JAKMIP3: variants seen among roughly 807,000 people sequenced by gnomAD.
The protein encoded by JAKMIP3 is Janus kinase and microtubule interacting protein 3.
A neutral mutation model predicts 118.5 loss-of-function variants in JAKMIP3; 58 were observed. The observed-to-expected ratio is 0.49, with a 90% CI of 0.40 to 0.61. The LOEUF is 0.61. Ranked by LOEUF, JAKMIP3 falls within the 20% of genes least tolerant of loss-of-function variation. The pLI, the probability that JAKMIP3 is intolerant of heterozygous loss-of-function variation, is 0.00. For synonymous variants in JAKMIP3, 486 were observed against 451.2 expected, an observed-to-expected ratio of 1.08 and a Z score of -0.98; for missense variants, 950 against 1,109.0, an observed-to-expected ratio of 0.86 and a Z score of 2.04.
rs147675970 is a variant in JAKMIP3, at chr10:132,153,703, G to A, written c.2074-56G>A. ...TGGCTTTTCTCCCAGCTGTCTCCAC[G>A]AGCCGGGGTGGGGGACCCTAGGGGT... On this transcript the variant is annotated intron_variant, in intron 17 of 23. Coordinates refer to ENST00000684848, the MANE Select transcript of JAKMIP3 (RefSeq NM_001323087.2). 4,760 of 1,556,614 alleles carry A rather than the reference G, an allele frequency of 3.1e-3. 9 individuals are homozygous for A. Among genetic ancestry groups the A allele is most frequent in the Middle Eastern group, 5.8e-3 (34 of 5,836 alleles).
rs566524537 is a variant in JAKMIP3 at position 132,112,778 on chromosome 10, T to C, written c.136-4299T>C. On this transcript the variant is annotated intron_variant, in intron 2 of 23. Coordinates refer to ENST00000684848, the MANE Select transcript of JAKMIP3 (RefSeq NM_001323087.2). The surrounding 1 kb of genome is among the most constrained non-coding windows in gnomAD (Gnocchi z 4.3). ...GGACAGGGCAGCTCTCCACCTCCCC[T>C]TGGACACCGGCTCACATGGTGGACG... Among the ~76,000 whole-genome samples the C allele has an allele frequency of 5.3e-5, 8 of 152,208 alleles. No homozygotes were observed. In the South Asian group the frequency reaches 1.7e-3, roughly 32 times the overall value.
chr10:132,158,095 C>CGCCCT (rs2057321977), intron 19 of JAKMIP3, among the ~76,000 whole-genome samples: 1 of 148,304 alleles, frequency 6.7e-6, no homozygotes, highest in African/African-American at 2.5e-5. Flanking sequence ...CGCCCCGCCC[C>CGCCCT]GCCCCGCCCC....
At chr10:132,075,710 T>C (rs937922901) in intron 1 of JAKMIP3, among the ~76,000 whole-genome samples, 1 of 152,224 alleles carries the variant, frequency 6.6e-6, no homozygotes, top group South Asian at 2.1e-4. Context: ...CTGCCTCAGA[T>C]ACTTCTATAT....
At position 132,157,054 on chromosome 10, in the gene JAKMIP3, G is replaced by A. The variant is rs183665642; in HGVS notation, c.2220+3064G>A. Among the ~76,000 whole-genome samples, 307 of 152,138 alleles carry A rather than the reference G, an allele frequency of 2.0e-3. 2 individuals are homozygous for A. Among genetic ancestry groups the A allele is most frequent in the Middle Eastern group, 3.4e-3 (1 of 294 alleles). On this transcript the variant is annotated intron_variant, in intron 19 of 23. Coordinates refer to ENST00000684848, the MANE Select transcript of JAKMIP3 (RefSeq NM_001323087.2). ...ACACATAGTATCTTTGCAAAAGCGC[G>A]GTCCCCATGCTTATCTGAGGCTTGT...
chr10:132,163,301 G>C lies in JAKMIP3; in HGVS notation c.2313G>C (p.Glu771Asp). Residue 771 changes from glutamate (E) to aspartate (D), a missense_variant, in exon 20 of 24, where the codon GAG (glutamate) becomes GAC (aspartate). Physicochemically the swap from Glu to Asp is conservative, Grantham distance 45. Coordinates refer to ENST00000684848, the MANE Select transcript of JAKMIP3 (RefSeq NM_001323087.2). ...VAELLSEEER[E>D]KLKVAVEQWK... Reference sequence around the variant, plus strand: ...AGCTGCTGTCAGAGGAGGAGCGCGAGAAGCTCAAGGTGGCCGTGGAGCAGT... The same window carrying C: ...AGCTGCTGTCAGAGGAGGAGCGCGACAAGCTCAAGGTGGCCGTGGAGCAGT... 1 of 1,606,430 alleles carries C rather than the reference G, an allele frequency of 6.2e-7. No homozygotes were observed. The highest frequency in any genetic ancestry group is 8.5e-7 in the Non-Finnish European group (1 of 1,177,698).
upstream of JAKMIP3, among the ~76,000 whole-genome samples, chr10:132,065,591 T>G (rs1246928620): frequency 6.6e-6 from 1 of 151,724 alleles, no homozygotes; most frequent in Non-Finnish European, 1.5e-5. The surrounding 1 kb of genome is among the most constrained non-coding windows in gnomAD (Gnocchi z 5.6). Context: ...GCTCGCTGGT[T>G]TTCACGTGAG....
chr10:132,180,538 T>TGCGC (rs1394856747), intron 23 of JAKMIP3, among the ~76,000 whole-genome samples: 7 of 27,224 alleles, frequency 2.6e-4, no homozygotes, highest in East Asian at 1.9e-3. Context: ...TGTGTGTGTG[T>TGCGC]GTGTGTGCGT....
chr10:132,046,450 C>T (rs1240686240), intron 1 of JAKMIP3, among the ~76,000 whole-genome samples: 3 of 124,834 alleles, frequency 2.4e-5, no homozygotes, highest in Admixed American at 1.8e-4. Context: ...AGCAAGACTC[C>T]GTCTCAAAAA....
chr10:132,061,192 GCGCACACACACACC>G (rs2038381795), upstream of JAKMIP3, among the ~76,000 whole-genome samples: 3 of 106,772 alleles, frequency 2.8e-5, no homozygotes, highest in Admixed American at 8.8e-5. Context: ...TGCCGTGACG[GCGCACACACACACC>G]TGCCGTGACG....
chr10:132,135,273 C>G (rs893430117), intron 5 of JAKMIP3, 113 bp downstream of exon 5: 1 of 1,116,810 alleles, frequency 9.0e-7, no homozygotes, highest in Non-Finnish European at 1.3e-6. Flanking sequence ...GTTGCAAGGA[C>G]CGGCCTTGCG....
intron 12 of JAKMIP3, 129 bp from the exon 13 acceptor site, chr10:132,145,388 AT>A: frequency 2.0e-6 from 2 of 1,012,302 alleles, no homozygotes; most frequent in Non-Finnish European, 2.9e-6. Context: ...TAATTTTTGT[AT>A]TTTTTGTAGA....
At position 132,056,209 on chromosome 10, in the gene JAKMIP3, C is replaced by T. The variant is rs533537506; in HGVS notation, c.-138+19471C>T. The stretch of plus-strand genomic sequence containing the variant: ...TCTGTCACCCCCACACTCAGTTTCT[C>T]CACCAACAGTGAGGGCGCCTCTCAG... On this transcript the variant is annotated intron_variant, in intron 1 of 23. Coordinates refer to the JAKMIP3 transcript ENST00000657785. Among the ~76,000 whole-genome samples, 8 of 152,294 alleles carry T rather than the reference C, an allele frequency of 5.3e-5. No homozygotes were observed. The East Asian group carries it at 9.7e-4, about 18-fold the overall frequency.
At chr10:132,100,835 T>TCCCCGTTCTCTCTGCATGAGGAACCCCG (rs1564896837) in intron 1 of JAKMIP3, among the ~76,000 whole-genome samples, 4 of 130,332 alleles carry the variant, frequency 3.1e-5, no homozygotes, top group Non-Finnish European at 6.8e-5. Flanking sequence ...GAGGAACCCC[T>TCCCCGTTCTCTCTGCATGAGGAACCCCG]GCCGCGCTCC....
chr10:132,084,985 G>C (rs1249071707), intron 1 of JAKMIP3, among the ~76,000 whole-genome samples: 1 of 152,138 alleles, frequency 6.6e-6, no homozygotes, highest in Non-Finnish European at 1.5e-5. Flanking sequence ...CTAGTATTTT[G>C]TTAAGGATTT....
intron 9 of JAKMIP3, among the ~76,000 whole-genome samples, chr10:132,139,049 A>AGAGAGTGTGTGTGTGT (rs71228743): frequency 6.7e-6 from 1 of 150,080 alleles, no homozygotes; most frequent in Non-Finnish European, 1.5e-5. Flanking sequence ...CTTTATGTTG[A>AGAGAGTGTGTGTGTGT]GTGTGTGTGT....
At chr10:132,041,839 C>T (rs1220653264) in intron 1 of JAKMIP3, among the ~76,000 whole-genome samples, 2 of 152,024 alleles carry the variant, frequency 1.3e-5, no homozygotes. Context: ...TTCTTTCTAT[C>T]CTTTCTTTTC....
chr10:132,145,569 C>T lies in JAKMIP3; in HGVS notation c.1738C>T (p.Leu580Phe). The change falls in exon 13 of 24, where the codon CTT (leucine) becomes TTT (phenylalanine). Residue 580 changes from leucine (L) to phenylalanine (F), a missense_variant. Leu to Phe is a conservative substitution (Grantham distance 22, BLOSUM62 0). Coordinates refer to ENST00000684848, the MANE Select transcript of JAKMIP3 (RefSeq NM_001323087.2). ...GGCACTGTACCGGAGAAATCAAGAG[C>T]TTGTGGAAAAGGTGAGCCCCGAACC... ...KQALYRRNQE[L>F]VEKIKQMETE... The T allele has an allele frequency of 6.4e-7, 1 of 1,563,808 alleles. No individual in the cohort carries two copies. Among genetic ancestry groups the T allele is most frequent in the South Asian group, 1.2e-5 (1 of 84,676 alleles).
Position 132,036,758 on chromosome 10 carries a change from G to A in JAKMIP3, c.-138+20G>A, listed in dbSNP as rs1005783911. 2.6e-5 allele frequency among the ~76,000 whole-genome samples: 4 copies of A among 151,164 alleles called. No homozygotes were observed. In the East Asian group the frequency reaches 5.8e-4, roughly 22 times the overall value. ...GCCTCGGTGAGCAGCGGCCGGGGTG[G>A]GGCCGCGACCGGGGGCCGGGCCTCT... On this transcript the variant is annotated intron_variant, in intron 1 of 23. Coordinates refer to the JAKMIP3 transcript ENST00000657785.
upstream of JAKMIP3, among the ~76,000 whole-genome samples, chr10:132,062,204 C>T (rs931349575): frequency 6.6e-5 from 10 of 152,204 alleles, no homozygotes. Context: ...TTAAATTCAA[C>T]AGGGAGAAAT....
Sources: gnomAD v4.1 joint callset for allele counts (sites outside exome capture counted in the v4.1 genomes callset) on GRCh38, gnomAD v4.1.1 for gene constraint, Gnocchi (gnomAD v3.1) non-coding constraint, MANE v1.5 for transcripts, NCBI Gene and HGNC (gene_info 2026-07-23, HGNC 2026-07-21) for gene names.